TMOD2: variants seen among roughly 807,000 people sequenced by gnomAD.
TMOD2 encodes the protein tropomodulin-2.
In TMOD2, 22 loss-of-function variants were observed where a neutral mutation model predicts 39.9. That is an observed-to-expected ratio of 0.55 (90% confidence interval 0.39 to 0.79). The LOEUF (loss-of-function observed/expected upper bound fraction) is 0.79, where lower values mean the gene tolerates loss of function less well. Ranked by LOEUF, TMOD2 falls within the 30% of genes least tolerant of loss-of-function variation. TMOD2 has a pLI of 0.00. For synonymous variants in TMOD2, 123 were observed against 146.1 expected, an observed-to-expected ratio of 0.84 and a Z score of 1.14; for missense variants, 386 against 413.3, an observed-to-expected ratio of 0.93 and a Z score of 0.57.
At chr15:51,802,975 A>T (rs762313522) in intron 8 of TMOD2, among the ~76,000 whole-genome samples, 3 of 152,142 alleles carry the variant, frequency 2.0e-5, no homozygotes, top group Non-Finnish European at 4.4e-5. Context: ...CATCCACTCC[A>T]TACTTAAATT....
At chr15:51,762,606 CATGT>C (rs2055788846) in intron 1 of TMOD2, among the ~76,000 whole-genome samples, 1 of 152,172 alleles carries the variant, frequency 6.6e-6, no homozygotes, top group South Asian at 2.1e-4. Context: ...TTGATATATG[CATGT>C]ATGTGTGAAA....
intron 7 of TMOD2, among the ~76,000 whole-genome samples, chr15:51,790,682 A>G (rs1375282326): frequency 6.6e-6 from 1 of 152,216 alleles, no homozygotes; most frequent in Non-Finnish European, 1.5e-5. Context: ...CATCCCTGGG[A>G]TGCAAGGGTG....
chr15:51,799,740 A>C (rs1310503207), intron 8 of TMOD2, among the ~76,000 whole-genome samples: 1 of 152,204 alleles, frequency 6.6e-6, no homozygotes, highest in Non-Finnish European at 1.5e-5. Context: ...GGAGTAAGGA[A>C]ACAAGCCAGA....
At chr15:51,784,810 A>G (rs924788479) in intron 7 of TMOD2, 1 of 152,218 alleles carries the variant, frequency 6.6e-6, no homozygotes, top group African/African-American at 2.4e-5. Flanking sequence ...GTAAATGAAT[A>G]AAGGGATAAA....
chr15:51,793,451 T>C (rs1286978120), intron 7 of TMOD2, among the ~76,000 whole-genome samples: 1 of 152,226 alleles, frequency 6.6e-6, no homozygotes, highest in Non-Finnish European at 1.5e-5. Flanking sequence ...TTTCAAGGGC[T>C]CAGTAGCCAC....
At chr15:51,774,509 C>T (rs1486452983) in intron 4 of TMOD2, among the ~76,000 whole-genome samples, 2 of 152,154 alleles carry the variant, frequency 1.3e-5, no homozygotes, top group East Asian at 3.9e-4. Context: ...AAAACCAGTC[C>T]ACAGCTTTAG....
In TMOD2 at chr15:51,798,344, A is replaced by T; in HGVS notation, c.876+4A>T. The T allele has an allele frequency of 6.2e-7, 1 of 1,613,372 alleles. No homozygotes were observed. The highest frequency in any genetic ancestry group is 8.5e-7 in the Non-Finnish European group (1 of 1,179,822). ...AGAAATCAAGATTGACAACCAGGTA[A>T]GGAAGGCCAGAGAATAGGCAAAGTC... On this transcript the variant is annotated splice_donor_region_variant and intron_variant, in intron 8 of 9. Transcript: ENST00000249700.
intron 8 of TMOD2, among the ~76,000 whole-genome samples, chr15:51,804,243 C>T (rs1368307547): frequency 6.6e-6 from 1 of 152,164 alleles, no homozygotes; most frequent in Non-Finnish European, 1.5e-5. Context: ...TGATCCATCA[C>T]TGCAATGGGA....
chr15:51,765,871 C>G (rs908879607), intron 1 of TMOD2, among the ~76,000 whole-genome samples: 16 of 152,228 alleles, frequency 1.1e-4, no homozygotes, highest in Non-Finnish European at 2.4e-4. Context: ...GTTCCAAACT[C>G]TCGTTCCTGA....
rs2056162191 is a variant in TMOD2, at chr15:51,812,428, A to T, written c.*3974A>T. The stretch of plus-strand genomic sequence containing the variant: ...CTTAAAACCAATATTAAGCATCAGC[A>T]TGCTTTAAGTGTAAGATAGCCCTTT... On this transcript the variant is annotated 3_prime_UTR_variant, in exon 10 of 10. Coordinates refer to ENST00000249700, the MANE Select transcript of TMOD2 (RefSeq NM_014548.4). 6.6e-6 allele frequency: 1 copy of T among 152,266 alleles called. No homozygotes were observed. The highest frequency in any genetic ancestry group is 2.1e-4 in the South Asian group (1 of 4,834). 9.4% of individuals were successfully genotyped at this position (152,266 alleles called of 1,614,324 possible).
chr15:51,798,198 C>T lies in TMOD2; in HGVS notation c.734C>T (p.Ala245Val). 1 of 1,592,864 alleles carries T rather than the reference C, an allele frequency of 6.3e-7. No individual in the cohort carries two copies. Among genetic ancestry groups the T allele is most frequent in the Non-Finnish European group, 8.5e-7 (1 of 1,174,334 alleles). Reference protein sequence around the residue: ...ATRSNDPVAIAFADMLKVNKT... With the variant: ...ATRSNDPVAIVFADMLKVNKT... ...TTTTTTTTCTTTTTGCATCATAAGGCTTTTGCAGACATGCTGAAAGTAAAC... is the reference window on the plus strand; with the variant it reads ...TTTTTTTTCTTTTTGCATCATAAGGTTTTTGCAGACATGCTGAAAGTAAAC... The change falls in exon 8 of 10, where the codon GCT (alanine) becomes GTT (valine). Residue 245 changes from alanine (A) to valine (V), a missense_variant and splice_region_variant. By Grantham distance (64) the Ala-to-Val change is moderately conservative. Transcript: ENST00000249700.
At chr15:51,770,625 A>G (rs549820398) in intron 3 of TMOD2, among the ~76,000 whole-genome samples, 1 of 152,106 alleles carries the variant, frequency 6.6e-6, no homozygotes, top group Non-Finnish European at 1.5e-5. Context: ...TGGATCACAC[A>G]TCATTGAGAA....
chr15:51,768,738 G>A (rs1480657698), intron 3 of TMOD2, among the ~76,000 whole-genome samples: 1 of 151,668 alleles, frequency 6.6e-6, no homozygotes, highest in Non-Finnish European at 1.5e-5. Context: ...ACTAGATTCA[G>A]TATTTATTTT....
chr15:51,795,018 T>C lies in TMOD2; in HGVS notation c.733-3179T>C, dbSNP rs375539211. Among the ~76,000 whole-genome samples, 101 of 152,310 alleles carry C rather than the reference T, an allele frequency of 6.6e-4. 3 individuals are homozygous for C. The South Asian group carries it at 0.019, about 29-fold the overall frequency. The stretch of plus-strand genomic sequence containing the variant: ...ATGGGCCTTACAATGTAGTGACTAG[T>C]GCTGACCTGATTTTTGATCCTTTGC... On this transcript the variant is annotated intron_variant, in intron 7 of 9. Coordinates refer to ENST00000249700, the MANE Select transcript of TMOD2 (RefSeq NM_014548.4).
intron 1 of TMOD2, among the ~76,000 whole-genome samples, chr15:51,759,404 A>G (rs939268725): frequency 1.3e-5 from 2 of 152,184 alleles, no homozygotes; most frequent in Admixed American, 6.5e-5. Flanking sequence ...TCCTGGATAT[A>G]TATTATAATT....
intron 7 of TMOD2, among the ~76,000 whole-genome samples, chr15:51,796,696 T>C (rs1163557679): frequency 3.3e-5 from 5 of 152,224 alleles, no homozygotes; most frequent in Non-Finnish European, 7.3e-5. Context: ...TATGCTGTTA[T>C]AGAAGTTGTG....
intron 4 of TMOD2, among the ~76,000 whole-genome samples, chr15:51,775,069 G>A (rs986464766): frequency 6.6e-6 from 1 of 152,140 alleles, no homozygotes; most frequent in East Asian, 1.9e-4. Context: ...TCTTTAGGGT[G>A]GGCCCTTCTG....
At position 51,781,188 on chromosome 15, in the gene TMOD2, A is replaced by G; in HGVS notation, c.624+14A>G. On this transcript the variant is annotated intron_variant, in intron 6 of 9. Transcript: ENST00000249700. ...AACAACATTAAGGTATTTCATTGTG[A>G]TTATCATCAGTCAGTTAATTTATCA... 6.3e-7 allele frequency: 1 copy of G among 1,586,678 alleles called. No individual in the cohort carries two copies.
At chr15:51,790,501 T>C (rs1047225478) in intron 7 of TMOD2, among the ~76,000 whole-genome samples, 8 of 152,188 alleles carry the variant, frequency 5.3e-5, no homozygotes, top group Non-Finnish European at 1.2e-4. Flanking sequence ...CCCTAACTCA[T>C]TTTATGAGGC....
Sources: allele counts gnomAD v4.1 joint callset (sites outside exome capture counted in the v4.1 genomes callset), GRCh38; gene constraint gnomAD v4.1.1; transcripts MANE v1.5; gene names NCBI Gene and HGNC (gene_info 2026-07-23, HGNC 2026-07-21).